Variants in SRPK3 observed in about 807,000 individuals in gnomAD.
The protein encoded by SRPK3 is SFRS protein kinase 3.
SRPK3 carries 26 observed loss-of-function variants against 45.3 expected under a neutral mutation model. That is an observed-to-expected ratio of 0.57 (90% CI 0.42 to 0.80). The LOEUF (loss-of-function observed/expected upper bound fraction) is 0.80. Among genes scored for constraint, SRPK3 ranks in the 30% least tolerant of loss-of-function variants. The probability of loss-of-function intolerance (pLI) is 0.00; values close to 1 mark genes in which losing one functional copy is unlikely to be tolerated. For synonymous variants in SRPK3, 254 were observed against 226.6 expected, an observed-to-expected ratio of 1.12 and a Z score of -1.09; for missense variants, 536 against 514.5, an observed-to-expected ratio of 1.04 and a Z score of -0.40.
At position 153,785,338 on chromosome X, in the gene SRPK3, G is replaced by C. The variant is rs782637971; in HGVS notation, c.1522G>C (p.Glu508Gln). The C allele has an allele frequency of 1.2e-4, 140 of 1,204,378 alleles. No homozygotes were observed. The South Asian group carries it at 2.4e-3, about 20-fold the overall frequency. The change falls in exon 15 of 15, where the codon GAG becomes CAG. Residue 508 changes from glutamate to glutamine, a missense_variant and splice_region_variant. By Grantham distance (29) the Glu-to-Gln change is conservative. Transcript: ENST00000370101. The stretch of plus-strand genomic sequence containing the variant: ...GACGCCCGCTGGCCTGCCCGCAGGA[G>C]AGCTGCGGCACATCCACAATCTCAA... Reference protein sequence around the residue: ...YSREFFNRRGELRHIHNLKHW... With the variant: ...YSREFFNRRGQLRHIHNLKHW...
intron 5 of SRPK3, 94 bp downstream of exon 5, chrX:153,782,302 A>C: frequency 2.7e-6 from 2 of 734,391 alleles, no homozygotes; most frequent in Non-Finnish European, 2.1e-6. Flanking sequence ...GACCCGCACA[A>C]TGGGCTTGCA....
Position 153,783,017 on chromosome X carries a change from A to G in SRPK3, c.647A>G (p.Glu216Gly). ...CKIIHTDIKP[E>G]NILLCVGDAY... ...ATCATCCACACGGACATCAAGCCCG[A>G]GAACATCTTGCTGTGTGTGGGGGAC... is the stretch of plus-strand genomic sequence containing the variant. The change falls in exon 7 of 15, where the codon GAG becomes GGG. Residue 216 changes from glutamate (E) to glycine (G), a missense_variant. Glu to Gly is a moderately conservative substitution (Grantham distance 98). Coordinates refer to ENST00000370101, the MANE Select transcript of SRPK3 (RefSeq NM_014370.4). The G allele has an allele frequency of 8.4e-7, 1 of 1,187,098 alleles. No homozygotes were observed. Among genetic ancestry groups the G allele is most frequent in the Non-Finnish European group, 1.1e-6 (1 of 881,678 alleles).
Position 153,781,097 on chromosome X carries a change from G to T in SRPK3, c.11G>T (p.Ser4Ile). MSA[S>I]TGGGGDSGGS... Reference sequence around the variant, plus strand: ...GGCTGCGTGGCCGGGATGAGCGCCAGCACGGGCGGTGGTGGGGACAGCGGC... The same window carrying T: ...GGCTGCGTGGCCGGGATGAGCGCCATCACGGGCGGTGGTGGGGACAGCGGC... Residue 4 changes from serine to isoleucine, a missense_variant, in exon 1 of 15, where the codon AGC becomes ATC. By Grantham distance (142) the Ser-to-Ile change is moderately radical. Transcript: ENST00000370101. The T allele has an allele frequency of 6.3e-6, 7 of 1,110,008 alleles. No individual in the cohort carries two copies. The highest frequency in any genetic ancestry group is 8.3e-6 in the Non-Finnish European group (7 of 848,163). The allele number at this position is 1,110,008 out of a possible 1,213,427, so 91.5% of individuals were successfully genotyped here.
chrX:153,783,780 GGAA>G lies in SRPK3; in HGVS notation c.809_811del (p.Lys270del), dbSNP rs1467717458. The G allele has an allele frequency of 6.6e-6, 8 of 1,209,839 alleles. No individual in the cohort carries two copies. Among genetic ancestry groups the G allele is most frequent in the Admixed American group, 2.2e-5 (1 of 45,988 alleles). On this transcript the variant is annotated inframe_deletion, in exon 9 of 15. Transcript: ENST00000370101. ...ACCGGTAAGCTGTCCAAAAACAAGA[GGAA>G]GAAGATGAGGCGCAAACGGAAACAG... is the stretch of plus-strand genomic sequence containing the variant.
Position 153,783,212 on chromosome X carries a change from A to G in SRPK3, c.749-14A>G. On this transcript the variant is annotated splice_polypyrimidine_tract_variant and intron_variant, in intron 7 of 14. Coordinates refer to ENST00000370101, the MANE Select transcript of SRPK3 (RefSeq NM_014370.4). Reference sequence around the variant, plus strand: ...TCCCTGTCCCCCCCCACCGCTCCCCACCTGCACTCCCAGTCAGCACTGCCC... The same window carrying G: ...TCCCTGTCCCCCCCCACCGCTCCCCGCCTGCACTCCCAGTCAGCACTGCCC... 1 of 782,466 alleles carries G rather than the reference A, an allele frequency of 1.3e-6. No individual in the cohort carries two copies. The highest frequency in any genetic ancestry group is 1.7e-6 in the Non-Finnish European group (1 of 591,736). 64.5% of individuals were successfully genotyped at this position (782,466 alleles called of 1,213,427 possible). A position where few individuals can be genotyped will look rare whatever the true frequency, so the allele number is the denominator to read the frequency against.
Position 153,785,594 on chromosome X carries a change from G to A in SRPK3, c.*74G>A. On this transcript the variant is annotated 3_prime_UTR_variant, in exon 15 of 15. Coordinates refer to ENST00000370101, the MANE Select transcript of SRPK3 (RefSeq NM_014370.4). ...GGGACAGCTCCCACCACCCTGCTGG[G>A]CGCCAGTTCTCCACAACCACAGGGC... 8.9e-7 allele frequency: 1 copy of A among 1,124,313 alleles called. No individual in the cohort carries two copies. The highest frequency in any genetic ancestry group is 1.2e-6 in the Non-Finnish European group (1 of 836,317). 92.7% of individuals were successfully genotyped at this position (1,124,313 alleles called of 1,213,427 possible).
rs149435457 is a variant in SRPK3 at position 153,784,824 on chromosome X, C to T, written c.1323C>T (p.Gly441=). Residue 441 remains glycine, a synonymous_variant, in exon 12 of 15, where the codon GGC becomes GGT. Coordinates refer to ENST00000370101, the MANE Select transcript of SRPK3 (RefSeq NM_014370.4). ...AGGTGCTGATCGGCGCCGAATACGG[C>T]CCCCCGGCAGACATCTGGAGCACAG... ...AVEVLIGAEY[G]PPADIWSTAC... 5.0e-6 allele frequency: 6 copies of T among 1,210,374 alleles called. No individual in the cohort carries two copies. The African/African-American group carries it at 8.7e-5, about 17-fold the overall frequency.
Position 153,785,189 on chromosome X carries a change from G to A in SRPK3, c.1519+16G>A. ...AACCGGAGAGGTGAGGGCCCGGGCA[G>A]CCTCAGGCCATGTGGCTGCAGGGAG... On this transcript the variant is annotated intron_variant, in intron 14 of 14. Coordinates refer to ENST00000370101, the MANE Select transcript of SRPK3 (RefSeq NM_014370.4). 3.3e-6 allele frequency: 4 copies of A among 1,194,447 alleles called. No individual in the cohort carries two copies. Among genetic ancestry groups the A allele is most frequent in the Non-Finnish European group, 4.5e-6 (4 of 884,004 alleles).
At chrX:153,781,878 G>A in intron 4 of SRPK3, 48 bp downstream of exon 4, 1 of 1,187,196 alleles carries the variant, frequency 8.4e-7, no homozygotes, top group Non-Finnish European at 1.1e-6. Context: ...AGCTGCCTGG[G>A]GCCTGGCAAT....
At chrX:153,781,929 G>A (rs2092054766) in intron 4 of SRPK3, 99 bp downstream of exon 4, 1 of 1,013,834 alleles carries the variant, frequency 9.9e-7, no homozygotes, top group South Asian at 2.1e-5. Context: ...GGCAGGGCGG[G>A]GCTCCCTGAG....
intron 11 of SRPK3, 29 bp from the exon 12 acceptor site, chrX:153,784,721 C>T (rs370786271): frequency 2.5e-6 from 3 of 1,205,275 alleles, no homozygotes; most frequent in Non-Finnish European, 2.2e-6. Context: ...TTGGCCCCAG[C>T]CCGTCCCCAG....
chrX:153,783,040 G>C lies in SRPK3; in HGVS notation c.670G>C (p.Asp224His). The change falls in exon 7 of 15, where the codon GAC becomes CAC. Residue 224 changes from aspartate to histidine, a missense_variant. Coordinates refer to ENST00000370101, the MANE Select transcript of SRPK3 (RefSeq NM_014370.4). ...CGAGAACATCTTGCTGTGTGTGGGG[G>C]ACGCTTACATCAGGCGCCTGGCTGC... ...KPENILLCVG[D>H]AYIRRLAAEA... The C allele has an allele frequency of 8.5e-7, 1 of 1,182,799 alleles. No homozygotes were observed. Among genetic ancestry groups the C allele is most frequent in the Non-Finnish European group, 1.1e-6 (1 of 880,545 alleles).
intron 4 of SRPK3, 87 bp downstream of exon 4, chrX:153,781,917 G>C: frequency 9.7e-7 from 1 of 1,034,456 alleles, no homozygotes; most frequent in Middle Eastern, 2.7e-4. Flanking sequence ...GGGGCTCTGT[G>C]GGGCAGGGCG....
chrX:153,782,626 C>G, intron 5 of SRPK3, 146 bp from the exon 6 acceptor site: 1 of 484,411 alleles, frequency 2.1e-6, no homozygotes, highest in South Asian at 3.5e-5. Flanking sequence ...GATGATGACA[C>G]CAGCATAATG....
In SRPK3 at chrX:153,781,079, T is replaced by A; in HGVS notation, c.-8T>A. On this transcript the variant is annotated 5_prime_UTR_variant, in exon 1 of 15. Coordinates refer to ENST00000370101, the MANE Select transcript of SRPK3 (RefSeq NM_014370.4). ...CGGGGCACCGGAGCTGCGGGCTGCG[T>A]GGCCGGGATGAGCGCCAGCACGGGC... The A allele has an allele frequency of 9.4e-7, 1 of 1,064,210 alleles. No individual in the cohort carries two copies. The highest frequency in any genetic ancestry group is 1.2e-6 in the Non-Finnish European group (1 of 828,020). 87.7% of individuals were successfully genotyped at this position (1,064,210 alleles called of 1,213,427 possible).
rs782184192 is a variant in SRPK3, at chrX:153,783,043, G to A, written c.673G>A (p.Ala225Thr). The change falls in exon 7 of 15, where the codon GCT becomes ACT. Residue 225 changes from alanine (A) to threonine (T), a missense_variant. Coordinates refer to ENST00000370101, the MANE Select transcript of SRPK3 (RefSeq NM_014370.4). Reference sequence around the variant, plus strand: ...GAACATCTTGCTGTGTGTGGGGGACGCTTACATCAGGCGCCTGGCTGCCGA... The same window carrying A: ...GAACATCTTGCTGTGTGTGGGGGACACTTACATCAGGCGCCTGGCTGCCGA... ...PENILLCVGDAYIRRLAAEAT... is the reference protein window; with the variant it reads ...PENILLCVGDTYIRRLAAEAT... The A allele has an allele frequency of 4.2e-6, 5 of 1,180,516 alleles. No homozygotes were observed. Among genetic ancestry groups the A allele is most frequent in the East Asian group, 3.0e-5 (1 of 33,422 alleles).
In SRPK3 at chrX:153,783,219, C is replaced by A. The variant is rs2092063172; in HGVS notation, c.749-7C>A. The stretch of plus-strand genomic sequence containing the variant: ...CCCCCCCCACCGCTCCCCACCTGCA[C>A]TCCCAGTCAGCACTGCCCCCCAGGA... On this transcript the variant is annotated splice_polypyrimidine_tract_variant and splice_region_variant and intron_variant, in intron 7 of 14. Coordinates refer to ENST00000370101, the MANE Select transcript of SRPK3 (RefSeq NM_014370.4). The A allele has an allele frequency of 8.7e-7, 1 of 1,155,493 alleles. No homozygotes were observed. The highest frequency in any genetic ancestry group is 1.2e-6 in the Non-Finnish European group (1 of 855,855).
intron 8 of SRPK3, 117 bp downstream of exon 8, chrX:153,783,368 C>T (rs2092064204): frequency 1.9e-6 from 1 of 533,271 alleles, no homozygotes; most frequent in Admixed American, 4.1e-5. Context: ...CGGTGGTAAT[C>T]CCGAAAGGCT....
chrX:153,782,542 G>T (rs1377446031), intron 5 of SRPK3, among the ~76,000 whole-genome samples: 1 of 113,501 alleles, frequency 8.8e-6, no homozygotes, highest in African/African-American at 3.2e-5. Flanking sequence ...TGCTCCTCCA[G>T]CGCCACCTCT....
Sources: allele counts gnomAD v4.1 joint callset (sites outside exome capture counted in the v4.1 genomes callset), GRCh38; gene constraint gnomAD v4.1.1; transcripts MANE v1.5; gene names NCBI Gene and HGNC (gene_info 2026-07-23, HGNC 2026-07-21).